The following HDAC6 variants were observed in gnomAD, a reference collection of about 807,000 sequenced individuals.
HDAC6 encodes the protein histone deacetylase 6, also known as protein deacetylase HDAC6.
HDAC6 carries 5 observed loss-of-function variants against 88.9 expected under a neutral mutation model. The ratio of observed to expected loss-of-function variants is 0.06; its 90% CI spans 0.03 to 0.12. HDAC6 has a LOEUF of 0.12. Among genes scored for constraint, HDAC6 ranks in the 10% least tolerant of loss-of-function variants. The pLI is 1.00. For missense variants in HDAC6, 706 were observed against 1,014.4 expected, an observed-to-expected ratio of 0.70 and a Z score of 4.13; for synonymous variants, 378 against 398.0, an observed-to-expected ratio of 0.95 and a Z score of 0.60.
At chrX:48,805,904 C>T (rs2062809790) in intron 6 of HDAC6, 1 of 433,212 alleles carries the variant, frequency 2.3e-6, no homozygotes, top group Admixed American at 4.1e-5. Context: ...TATAATCAGC[C>T]CATGATGAGC....
chrX:48,822,519 G>C (rs1166783223), intron 23 of HDAC6, 101 bp from the exon 24 acceptor site: 2 of 639,517 alleles, frequency 3.1e-6, no homozygotes, highest in South Asian at 3.8e-5. Flanking sequence ...CTCCAGACTT[G>C]CAGGGCTCAG....
Position 48,816,447 on chromosome X carries a change from T to C in HDAC6, c.1623-18T>C. 8.4e-7 allele frequency: 1 copy of C among 1,190,100 alleles called. No individual in the cohort carries two copies. The highest frequency in any genetic ancestry group is 1.1e-6 in the Non-Finnish European group (1 of 883,812). Reference sequence around the variant, plus strand: ...ACCCTCCTCACTGTCCTGCGGGTGCTCCTCTCTGTGCTTCCAGTGCTGAGT... The same window carrying C: ...ACCCTCCTCACTGTCCTGCGGGTGCCCCTCTCTGTGCTTCCAGTGCTGAGT... On this transcript the variant is annotated intron_variant, in intron 18 of 28. Coordinates refer to ENST00000334136, the MANE Select transcript of HDAC6 (RefSeq NM_006044.4).
At chrX:48,817,279 G>A (rs2063005591) in intron 19 of HDAC6, 47 bp from the exon 20 acceptor site, 1 of 1,099,872 alleles carries the variant, frequency 9.1e-7, no homozygotes, top group Non-Finnish European at 1.2e-6. Context: ...AGGAAGAAAG[G>A]AAGGTGAGGG....
chrX:48,802,066 T>C, upstream of HDAC6: 1 of 905,184 alleles, frequency 1.1e-6, no homozygotes, highest in Non-Finnish European at 1.4e-6. Context: ...GGGGTGGAGC[T>C]GGTTGAAGGA....
At position 48,816,445 on chromosome X, in the gene HDAC6, G is replaced by A; in HGVS notation, c.1623-20G>A. On this transcript the variant is annotated intron_variant, in intron 18 of 28. Coordinates refer to ENST00000334136, the MANE Select transcript of HDAC6 (RefSeq NM_006044.4). ...AGACCCTCCTCACTGTCCTGCGGGT[G>A]CTCCTCTCTGTGCTTCCAGTGCTGA... is the stretch of plus-strand genomic sequence containing the variant. 1 of 1,187,953 alleles carries A rather than the reference G, an allele frequency of 8.4e-7. No homozygotes were observed. The highest frequency in any genetic ancestry group is 1.7e-5 in the African/African-American group (1 of 57,465).
At chrX:48,819,463 T>C (rs2063044480) in intron 22 of HDAC6, 1 of 131,333 alleles carries the variant, frequency 7.6e-6, no homozygotes, top group South Asian at 2.1e-4. Context: ...CTGGGGTATG[T>C]GTGTGTGAGG....
At chrX:48,821,025 A>G in intron 23 of HDAC6, among the ~76,000 whole-genome samples, 2 of 108,598 alleles carry the variant, frequency 1.8e-5, no homozygotes, top group Non-Finnish European at 3.8e-5. Flanking sequence ...TTTAGTAGAG[A>G]TGGGGTTTCA....
chrX:48,806,225 A>G, intron 6 of HDAC6, 143 bp from the exon 7 acceptor site: 2 of 458,093 alleles, frequency 4.4e-6, no homozygotes, highest in East Asian at 7.6e-5. Context: ...TAGGGAAGAA[A>G]CAGAATGTGT....
At chrX:48,802,542 A>G in intron 1 of HDAC6, 121 bp from the exon 2 acceptor site, 1 of 1,117,777 alleles carries the variant, frequency 8.9e-7, no homozygotes, top group South Asian at 2.2e-5. Flanking sequence ...GCTGTGGAGA[A>G]TCAGATCGCG....
Position 48,824,868 on chromosome X carries a change from A to G in HDAC6, c.*256A>G. 9.0e-7 allele frequency: 1 copy of G among 1,116,893 alleles called. No individual in the cohort carries two copies. Among genetic ancestry groups the G allele is most frequent in the Middle Eastern group, 2.4e-4 (1 of 4,092 alleles). 92.0% of individuals were successfully genotyped at this position (1,116,893 alleles called of 1,213,427 possible). A position where few individuals can be genotyped will look rare whatever the true frequency, so the allele number is the denominator to read the frequency against. On this transcript the variant is annotated 3_prime_UTR_variant, in exon 29 of 29. Transcript: ENST00000334136. ...GCCCAGAAGGAAAGGGGGGCAGCTC[A>G]GTGGCCCCAAGAGGGAGCTGATATC...
At position 48,820,341 on chromosome X, in the gene HDAC6, T is replaced by C. The variant is rs997032411; in HGVS notation, c.2337+86T>C. 1.1e-5 allele frequency: 9 copies of C among 833,847 alleles called. No individual in the cohort carries two copies. The South Asian group carries it at 1.3e-4, about 12-fold the overall frequency. 68.7% of individuals were successfully genotyped at this position (833,847 alleles called of 1,213,427 possible). A position where few individuals can be genotyped will look rare whatever the true frequency, so the allele number is the denominator to read the frequency against. ...TCACTCAGGACAGTTTCCTGAAATC[T>C]CCTTTGAGTGTCCCTGCCTGGGATT... On this transcript the variant is annotated intron_variant, in intron 23 of 28. Coordinates refer to ENST00000334136, the MANE Select transcript of HDAC6 (RefSeq NM_006044.4).
In HDAC6 at chrX:48,802,075, G is replaced by A. The variant is rs902921020; in HGVS notation, c.-98G>A. On this transcript the variant is annotated 5_prime_UTR_variant, in exon 1 of 29. Transcript: ENST00000334136. ...GGGCAGGGGGTGGAGCTGGTTGAAG[G>A]AACGGGGCAGTCCCCTGAGGAGCGG... is the stretch of plus-strand genomic sequence containing the variant. 1.7e-5 allele frequency: 15 copies of A among 903,117 alleles called. No homozygotes were observed. Among genetic ancestry groups the A allele is most frequent in the African/African-American group, 6.3e-5 (3 of 47,508 alleles). 74.4% of individuals were successfully genotyped at this position (903,117 alleles called of 1,213,427 possible).
In HDAC6 at chrX:48,814,425, T is replaced by C; in HGVS notation, c.807-15T>C. On this transcript the variant is annotated splice_polypyrimidine_tract_variant and intron_variant, in intron 10 of 28. Coordinates refer to ENST00000334136, the MANE Select transcript of HDAC6 (RefSeq NM_006044.4). ...ACTTCTCCAACTCTCTTACCTCTTT[T>C]TCTTCTGCCCCCAGTGTCCTCTATT... 1 of 1,210,427 alleles carries C rather than the reference T, an allele frequency of 8.3e-7. No homozygotes were observed. Among genetic ancestry groups the C allele is most frequent in the African/African-American group, 1.7e-5 (1 of 57,787 alleles).
chrX:48,820,056 C>G (rs782067033), intron 22 of HDAC6, 50 bp from the exon 23 acceptor site: 3 of 1,181,903 alleles, frequency 2.5e-6, no homozygotes, highest in Admixed American at 4.3e-5. Flanking sequence ...TTACTGCCTA[C>G]CAAAAGCCCC....
intron 22 of HDAC6, chrX:48,819,509 C>T (rs1168331292): frequency 7.0e-6 from 1 of 143,680 alleles, no homozygotes; most frequent in African/African-American, 3.3e-5. Flanking sequence ...ATGTCACTCT[C>T]TTGACGTGTC....
At chrX:48,801,899 C>G, upstream of HDAC6, 2 of 972,062 alleles carry the variant, frequency 2.1e-6, no homozygotes, top group Non-Finnish European at 2.6e-6. Context: ...GTGGAGCGAG[C>G]CAAGGGCGGA....
chrX:48,817,016 G>A lies in HDAC6; in HGVS notation c.1792-310G>A, dbSNP rs1254729073. 5 of 252,073 alleles carry A rather than the reference G, an allele frequency of 2.0e-5. No homozygotes were observed. In the East Asian group the frequency reaches 3.8e-4, roughly 19 times the overall value. The allele number at this position is 252,073 out of a possible 1,213,427, so 20.8% of individuals were successfully genotyped here. A position where few individuals can be genotyped will look rare whatever the true frequency, so the allele number is the denominator to read the frequency against. ...TGTAATCCCAGCACTTTGGGAGGCC[G>A]AGGTGGGCAGATCACGAGGTCAGGA... On this transcript the variant is annotated intron_variant, in intron 19 of 28. Transcript: ENST00000334136.
chrX:48,824,981 G>A, downstream of HDAC6: 6 of 993,635 alleles, frequency 6.0e-6, no homozygotes, highest in Non-Finnish European at 7.8e-6. Context: ...AAAAAACCTG[G>A]AGAAAGCTTT....
rs782771772 is a variant in HDAC6 at position 48,823,108 on chromosome X, G to A, written c.2709G>A (p.Val903=). The change falls in exon 25 of 29, where the codon GTG becomes GTA. Residue 903 remains valine (V), a synonymous_variant. Transcript: ENST00000334136. ...AGACTAACTCAGAGACAGCTGTGGT[G>A]GCCCTCACTCAGGACCAGCCCTCAG... is the stretch of plus-strand genomic sequence containing the variant. ...PGQTNSETAV[V]ALTQDQPSEA... 6.6e-6 allele frequency: 8 copies of A among 1,208,917 alleles called. No individual in the cohort carries two copies. In the Admixed American group the frequency reaches 1.5e-4, roughly 23 times the overall value.
Sources: gnomAD v4.1 joint callset for allele counts (sites outside exome capture counted in the v4.1 genomes callset) on GRCh38, gnomAD v4.1.1 for gene constraint, MANE v1.5 for transcripts, NCBI Gene and HGNC (gene_info 2026-07-23, HGNC 2026-07-21) for gene names.